Variants in RUNDC3B observed in about 807,000 individuals in gnomAD.
RUNDC3B encodes the protein RUN domain containing 3B, also known as RUN domain-containing protein 3B.
Under a neutral mutation model 58.4 loss-of-function variants are expected in RUNDC3B, and 33 were observed. That is an observed-to-expected ratio of 0.56 (90% CI 0.43 to 0.75). The LOEUF is 0.75. Among genes scored for constraint, RUNDC3B ranks in the 30% least tolerant of loss-of-function variants. The probability of loss-of-function intolerance (pLI) is 0.00; values close to 1 mark genes in which losing one functional copy is unlikely to be tolerated. For missense variants in RUNDC3B, 501 were observed against 535.7 expected (o/e 0.94, Z 0.64); for synonymous variants, 193 against 195.2 (o/e 0.99, Z 0.10).
At chr7:87,638,052 T>C (rs1451370157) in intron 1 of RUNDC3B, among the ~76,000 whole-genome samples, 1 of 152,112 alleles carries the variant, frequency 6.6e-6, no homozygotes, top group Non-Finnish European at 1.5e-5. Flanking sequence ...CTTATTATTG[T>C]ATTATTAAAT....
chr7:87,787,209 C>T (rs1835267088), intron 8 of RUNDC3B, among the ~76,000 whole-genome samples: 1 of 152,084 alleles, frequency 6.6e-6, no homozygotes, highest in African/African-American at 2.4e-5. Context: ...GATATTTTTG[C>T]AGCTATAGTG....
Position 87,816,272 on chromosome 7 carries a change from CAAAG to C in RUNDC3B, c.1225+13_1225+16del, listed in dbSNP as rs1837026814. On this transcript the variant is annotated intron_variant, in intron 10 of 10. Transcript: ENST00000394654. ...AATGTAATGAGTGAAGGTAAGAAAACAAAGAACTATTTGAAAATTACTCTTTTCC... is the reference window on the plus strand; with the variant it reads ...AATGTAATGAGTGAAGGTAAGAAAACAACTATTTGAAAATTACTCTTTTCC... 6.2e-7 allele frequency: 1 copy of C among 1,601,476 alleles called. No homozygotes were observed. The highest frequency in any genetic ancestry group is 1.3e-5 in the African/African-American group (1 of 74,374).
At chr7:87,777,595 A>G (rs1368484090) in intron 7 of RUNDC3B, among the ~76,000 whole-genome samples, 1 of 152,204 alleles carries the variant, frequency 6.6e-6, no homozygotes, top group African/African-American at 2.4e-5. Context: ...CTCAAACTTT[A>G]GAGAAGAGTT....
At chr7:87,757,020 T>C (rs1563188928) in intron 6 of RUNDC3B, among the ~76,000 whole-genome samples, 5 of 152,084 alleles carry the variant, frequency 3.3e-5, no homozygotes, top group African/African-American at 1.2e-4. Flanking sequence ...GAAAAATAGA[T>C]AAAATATAAA....
chr7:87,794,064 G>T (rs1835673805), intron 8 of RUNDC3B, among the ~76,000 whole-genome samples: 1 of 152,036 alleles, frequency 6.6e-6, no homozygotes, highest in African/African-American at 2.4e-5. Flanking sequence ...ATGAAATAAA[G>T]AAATGTAATC....
intron 4 of RUNDC3B, among the ~76,000 whole-genome samples, chr7:87,725,839 C>T (rs1389371368): frequency 2.6e-5 from 4 of 152,134 alleles, no homozygotes; most frequent in Non-Finnish European, 1.5e-5. Flanking sequence ...CTCTGATGGC[C>T]AGTGATGATG....
In RUNDC3B at chr7:87,789,309, A is replaced by C. The variant is rs567881381; in HGVS notation, c.956+11354A>C. On this transcript the variant is annotated intron_variant, in intron 8 of 10. Coordinates refer to ENST00000394654, the MANE Select transcript of RUNDC3B (RefSeq NM_001134405.2). ...ATATGGTTTCCTAGTAAAGAAACTG[A>C]AGTGTCACTCATAGTGAAATATAAG... is the stretch of plus-strand genomic sequence containing the variant. Among the ~76,000 whole-genome samples, 3 of 152,360 alleles carry C rather than the reference A, an allele frequency of 2.0e-5. No homozygotes were observed. The South Asian group carries it at 6.2e-4, about 32-fold the overall frequency.
chr7:87,674,905 A>G (rs920825272), intron 2 of RUNDC3B, among the ~76,000 whole-genome samples: 4 of 151,278 alleles, frequency 2.6e-5, no homozygotes, highest in Middle Eastern at 3.2e-3. Flanking sequence ...GAGCATGGTA[A>G]GCCTTGGGGG....
chr7:87,827,867 C>T (rs551206616), intron 10 of RUNDC3B, among the ~76,000 whole-genome samples: 1 of 152,192 alleles, frequency 6.6e-6, no homozygotes, highest in African/African-American at 2.4e-5. Context: ...GAAGTTAGCT[C>T]ATAAAGAAAA....
At chr7:87,650,974 C>A in intron 2 of RUNDC3B, 37 bp downstream of exon 2, 1 of 1,212,744 alleles carries the variant, frequency 8.2e-7, no homozygotes. Context: ...TTCCCACCAG[C>A]TGTCTTTATA....
At chr7:87,661,258 C>T (rs1824684511) in intron 2 of RUNDC3B, among the ~76,000 whole-genome samples, 1 of 151,748 alleles carries the variant, frequency 6.6e-6, no homozygotes, top group African/African-American at 2.4e-5. Flanking sequence ...TTTTGCATTA[C>T]AAACAATTCA....
chr7:87,738,379 A>C (rs1832114551), intron 4 of RUNDC3B, among the ~76,000 whole-genome samples: 1 of 152,024 alleles, frequency 6.6e-6, no homozygotes, highest in Non-Finnish European at 1.5e-5. Context: ...GTTAGGCCAG[A>C]AGTTTTCATT....
At position 87,830,125 on chromosome 7, in the gene RUNDC3B, G is replaced by T; in HGVS notation, c.*95G>T. 1.6e-6 allele frequency: 1 copy of T among 630,898 alleles called. No individual in the cohort carries two copies. Among genetic ancestry groups the T allele is most frequent in the African/African-American group, 1.9e-5 (1 of 52,744 alleles). 39.1% of individuals were successfully genotyped at this position (630,898 alleles called of 1,614,324 possible). On this transcript the variant is annotated 3_prime_UTR_variant, in exon 11 of 11. Transcript: ENST00000394654. The stretch of plus-strand genomic sequence containing the variant: ...GACCTTTGAAATTTTATATTGTTCT[G>T]GTACATGTCTGAAATTCTATTGCTT...
intron 9 of RUNDC3B, among the ~76,000 whole-genome samples, chr7:87,815,591 G>A (rs377106049): frequency 4.0e-5 from 6 of 151,886 alleles, no homozygotes; most frequent in East Asian, 3.9e-4. Flanking sequence ...GAGTTTAATC[G>A]TCTTGATGTA....
intron 3 of RUNDC3B, chr7:87,709,415 C>T: frequency 3.0e-6 from 3 of 985,302 alleles, no homozygotes; most frequent in Non-Finnish European, 3.6e-6. Context: ...TCCTCTGTTC[C>T]AATCAGCTAC....
chr7:87,630,552 C>T (rs1188238047), intron 1 of RUNDC3B, among the ~76,000 whole-genome samples: 1 of 151,962 alleles, frequency 6.6e-6, no homozygotes, highest in Non-Finnish European at 1.5e-5. Context: ...AATATACAGA[C>T]ATCAAAAATT....
At chr7:87,659,151 G>GA (rs1824437914) in intron 2 of RUNDC3B, 1 of 397,810 alleles carries the variant, frequency 2.5e-6, no homozygotes, top group Non-Finnish European at 4.9e-6. Context: ...AATAGAATGA[G>GA]ACCCTGTCTC....
chr7:87,816,415 C>A (rs1399845748), intron 10 of RUNDC3B, among the ~76,000 whole-genome samples, 153 bp downstream of exon 10: 1 of 152,100 alleles, frequency 6.6e-6, no homozygotes, highest in Non-Finnish European at 1.5e-5. Flanking sequence ...GCCTTTGTGT[C>A]TTTCTCGTGT....
At position 87,738,317 on chromosome 7, in the gene RUNDC3B, G is replaced by A. The variant is rs1158634897; in HGVS notation, c.459-1474G>A. On this transcript the variant is annotated intron_variant, in intron 4 of 10. Transcript: ENST00000394654. ...GTCTAAATATTTTACCTTTCTGCAGGACACCTCAGTAGAATATGTAAAAAA... is the reference window on the plus strand; with the variant it reads ...GTCTAAATATTTTACCTTTCTGCAGAACACCTCAGTAGAATATGTAAAAAA... Among the ~76,000 whole-genome samples, 4 of 151,836 alleles carry A rather than the reference G, an allele frequency of 2.6e-5. No homozygotes were observed. The East Asian group carries it at 7.7e-4, about 29-fold the overall frequency.
Sources: allele counts gnomAD v4.1 joint callset (sites outside exome capture counted in the v4.1 genomes callset), GRCh38; gene constraint gnomAD v4.1.1; transcripts MANE v1.5; gene names NCBI Gene and HGNC (gene_info 2026-07-23, HGNC 2026-07-21).